NOD2: variants seen among roughly 807,000 people sequenced by gnomAD.
The protein encoded by NOD2 is nucleotide binding oligomerization domain containing 2.
In NOD2, 86 loss-of-function variants were observed where a neutral mutation model predicts 90.9. The observed-to-expected ratio is 0.95, with a 90% CI of 0.79 to 1.13. The LOEUF (loss-of-function observed/expected upper bound fraction) is 1.13. Ranked by LOEUF, NOD2 falls within the 50% of genes most tolerant of loss-of-function variation. The pLI is 0.00. For synonymous variants in NOD2, 581 were observed against 554.6 expected (o/e 1.05, Z -0.67); for missense variants, 1,238 against 1,283.8 (o/e 0.96, Z 0.55).
chr16:50,717,105 C>T (rs1345703587), intron 6 of NOD2, 131 bp downstream of exon 6: 1 of 794,428 alleles, frequency 1.3e-6, no homozygotes, highest in Non-Finnish European at 2.2e-6. Context: ...GACAGTGTCT[C>T]ATTTTAAGCA....
chr16:50,712,216 T>A lies in NOD2; in HGVS notation c.2224T>A (p.Leu742Met). Residue 742 changes from leucine to methionine, a missense_variant, in exon 4 of 12, where the codon TTG (leucine) becomes ATG (methionine). Coordinates refer to ENST00000647318, the MANE Select transcript of NOD2 (RefSeq NM_001370466.1). ...TGGCCTGAATGTTGGGCACCTCAAG[T>A]TGACATTTTGCAGTGTGGGCCCCAC... ...ARGLNVGHLK[L>M]TFCSVGPTEC... The A allele has an allele frequency of 1.2e-6, 2 of 1,613,920 alleles. No homozygotes were observed. Among genetic ancestry groups the A allele is most frequent in the Non-Finnish European group, 1.7e-6 (2 of 1,180,040 alleles).
rs775480458 is a variant in NOD2, at chr16:50,711,838, C to T, written c.1846C>T (p.Leu616Phe). Reference sequence around the variant, plus strand: ...GCCAGGCAACTCACCAATGGCCAGGCTCCTGCCCACGATGTGCATCCAGGC... The same window carrying T: ...GCCAGGCAACTCACCAATGGCCAGGTTCCTGCCCACGATGTGCATCCAGGC... ...GRPGNSPMAR[L>F]LPTMCIQASE... The change falls in exon 4 of 12, where the codon CTC becomes TTC. Residue 616 changes from leucine to phenylalanine, a missense_variant. Leu to Phe is a conservative substitution (Grantham distance 22). Transcript: ENST00000647318. The T allele has an allele frequency of 1.2e-6, 2 of 1,613,478 alleles. No individual in the cohort carries two copies. The highest frequency in any genetic ancestry group is 1.1e-5 in the South Asian group (1 of 91,076).
chr16:50,732,156 T>C lies in NOD2; in HGVS notation c.*337T>C. 1 of 410,176 alleles carries C rather than the reference T, an allele frequency of 2.4e-6. No homozygotes were observed. The highest frequency in any genetic ancestry group is 4.6e-6 in the Non-Finnish European group (1 of 216,264). The allele number at this position is 410,176 out of a possible 1,614,324, so 25.4% of individuals were successfully genotyped here. ...CGTGTGGGTCAGTGGGGCCCATGGA[T>C]GTGCTTGTTAACTGAGTGCCTTTTG... is the stretch of plus-strand genomic sequence containing the variant. On this transcript the variant is annotated 3_prime_UTR_variant, in exon 12 of 12. Coordinates refer to ENST00000647318, the MANE Select transcript of NOD2 (RefSeq NM_001370466.1).
In NOD2 at chr16:50,707,983, T is replaced by C. The variant is rs920727913; in HGVS notation, c.565+23T>C. 2.6e-6 allele frequency: 4 copies of C among 1,521,638 alleles called. No individual in the cohort carries two copies. The African/African-American group carries it at 5.5e-5, about 21-fold the overall frequency. 94.3% of individuals were successfully genotyped at this position (1,521,638 alleles called of 1,614,324 possible). Reference sequence around the variant, plus strand: ...AAGGTAGGTGTATGTTCTCAGTTAATCAGAAAGGGAAGGGCAGTCAGTGCA... The same window carrying C: ...AAGGTAGGTGTATGTTCTCAGTTAACCAGAAAGGGAAGGGCAGTCAGTGCA... On this transcript the variant is annotated intron_variant, in intron 3 of 11. Transcript: ENST00000647318.
In NOD2 at chr16:50,699,557, G is replaced by A; in HGVS notation, c.62G>A (p.Gly21Glu). The change falls in exon 2 of 12, where the codon GGG (glycine) becomes GAG (glutamate). Residue 21 changes from glycine (G) to glutamate (E), a missense_variant. Physicochemically the swap from Gly to Glu is moderately conservative, Grantham distance 98. Coordinates refer to ENST00000647318, the MANE Select transcript of NOD2 (RefSeq NM_001370466.1). ...CAGCTGGTCGAGCTGCTGGTCTCAG[G>A]GTCCCTGGAAGGCTTCGAGAGTGTC... Reference protein sequence around the residue: ...RSQLVELLVSGSLEGFESVLD... With the variant: ...RSQLVELLVSESLEGFESVLD... 1 of 1,614,026 alleles carries A rather than the reference G, an allele frequency of 6.2e-7. No individual in the cohort carries two copies.
rs773749264 is a variant in NOD2 at position 50,710,646 on chromosome 16, G to T, written c.654G>T (p.Thr218=). ...TCAGTACCTATGATGGAGCAGAGAC[G>T]CTCTGCCTGGAGGACATATACACAG... is the stretch of plus-strand genomic sequence containing the variant. The part of the protein sequence containing the change: ...RFLSTYDGAE[T]LCLEDIYTEN... Residue 218 remains threonine, a synonymous_variant, in exon 4 of 12, where the codon ACG becomes ACT. Coordinates refer to ENST00000647318, the MANE Select transcript of NOD2 (RefSeq NM_001370466.1). 1.9e-6 allele frequency: 3 copies of T among 1,614,212 alleles called. No individual in the cohort carries two copies. Among genetic ancestry groups the T allele is most frequent in the Admixed American group, 1.7e-5 (1 of 60,030 alleles).
At chr16:50,728,786 G>A (rs1965353349) in intron 10 of NOD2, among the ~76,000 whole-genome samples, 1 of 152,158 alleles carries the variant, frequency 6.6e-6, no homozygotes, top group African/African-American at 2.4e-5. Context: ...TGACTCCTCT[G>A]TTGCTGTCCC....
chr16:50,697,863 G>C, intron 1 of NOD2: 1 of 179,280 alleles, frequency 5.6e-6, no homozygotes, highest in Non-Finnish European at 1.2e-5. Context: ...TATGAGGACG[G>C]ATACAGAGTG....
intron 7 of NOD2, among the ~76,000 whole-genome samples, chr16:50,721,132 G>A (rs1965037746): frequency 1.3e-5 from 2 of 151,992 alleles, no homozygotes; most frequent in African/African-American, 4.8e-5. Flanking sequence ...CCACAAATGG[G>A]ACTATGTTGC....
Position 50,711,703 on chromosome 16 carries a change from C to T in NOD2, c.1711C>T (p.Pro571Ser), listed in dbSNP as rs759418926. The change falls in exon 4 of 12, where the codon CCC becomes TCC. Residue 571 changes from proline (P) to serine (S), a missense_variant. Physicochemically the swap from Pro to Ser is moderately conservative, Grantham distance 74. This residue lies in a region of NOD2 where 667 missense variants were observed against 688.7 expected (regional missense o/e 0.97). Transcript: ENST00000647318. ...AGGTGTCGTGCCAGGGAGTACGGCG[C>T]CCCTGGAATTCCTTCACATCACTTT... ...AKGVVPGSTAPLEFLHITFQC... is the reference protein window; with the variant it reads ...AKGVVPGSTASLEFLHITFQC... The T allele has an allele frequency of 1.9e-6, 3 of 1,613,994 alleles. No homozygotes were observed. The highest frequency in any genetic ancestry group is 2.5e-6 in the Non-Finnish European group (3 of 1,180,010).
At position 50,711,533 on chromosome 16, in the gene NOD2, G is replaced by C. The variant is rs753857915; in HGVS notation, c.1541G>C (p.Arg514Pro). ...ASQGLGPSLL[R>P]GRLPTLLHLG... ...CAAGGTCTGGGACCCAGTCTTCTTC[G>C]GGGCCGCCTCCCCACCCTCCTGCAC... The change falls in exon 4 of 12, where the codon CGG becomes CCG. Residue 514 changes from arginine to proline, a missense_variant. This residue lies in a region of NOD2 where 667 missense variants were observed against 688.7 expected (regional missense o/e 0.97). Coordinates refer to ENST00000647318, the MANE Select transcript of NOD2 (RefSeq NM_001370466.1). 1.8e-5 allele frequency: 29 copies of C among 1,612,732 alleles called. No individual in the cohort carries two copies. In the East Asian group the frequency reaches 5.8e-4, roughly 32 times the overall value.
chr16:50,697,092 C>G, intron 1 of NOD2: 2 of 745,550 alleles, frequency 2.7e-6, no homozygotes, highest in Non-Finnish European at 2.3e-6. Context: ...TTGGCCAACT[C>G]TGGCCTCCGG....
intron 2 of NOD2, among the ~76,000 whole-genome samples, chr16:50,705,465 C>A (rs752489450): frequency 6.6e-6 from 1 of 152,096 alleles, no homozygotes. Context: ...GTTGAGCATG[C>A]GGGTGAAACT....
intron 1 of NOD2, among the ~76,000 whole-genome samples, chr16:50,698,981 G>A (rs749797186): frequency 2.7e-5 from 4 of 149,964 alleles, no homozygotes; most frequent in Non-Finnish European, 5.9e-5. Flanking sequence ...AGGCTGGAGC[G>A]CAATGGTGCC....
chr16:50,699,337 C>G (rs192014376), intron 1 of NOD2, 151 bp from the exon 2 acceptor site: 2 of 690,098 alleles, frequency 2.9e-6, no homozygotes, highest in African/African-American at 1.8e-5. Context: ...ATTTTCACAT[C>G]TATATGGTGG....
intron 10 of NOD2, chr16:50,727,744 C>G: frequency 2.9e-6 from 1 of 348,642 alleles, no homozygotes; most frequent in Non-Finnish European, 5.7e-6. Flanking sequence ...GAATTGGACC[C>G]TTTCTGTTGA....
intron 1 of NOD2, among the ~76,000 whole-genome samples, chr16:50,694,292 GT>G (rs1311542653): frequency 6.6e-6 from 1 of 152,112 alleles, no homozygotes; most frequent in Non-Finnish European, 1.5e-5. Context: ...CATGGCCTTG[GT>G]TTCCCCATGG....
intron 3 of NOD2, among the ~76,000 whole-genome samples, chr16:50,709,198 T>A (rs1964345709): frequency 6.6e-6 from 1 of 152,124 alleles, no homozygotes; most frequent in African/African-American, 2.4e-5. Context: ...CCTGGTATAT[T>A]CAGAGGGCAG....
intron 2 of NOD2, among the ~76,000 whole-genome samples, chr16:50,701,710 GAGA>G: frequency 6.6e-6 from 1 of 152,202 alleles, no homozygotes; most frequent in East Asian, 1.9e-4. Context: ...CTAGGGCCCA[GAGA>G]AGACAGGATG....
Sources: gnomAD v4.1 joint callset for allele counts (sites outside exome capture counted in the v4.1 genomes callset) on GRCh38, gnomAD v4.1.1 for gene constraint, gnomAD v4.1.1 regional missense constraint, MANE v1.5 for transcripts, NCBI Gene and HGNC (gene_info 2026-07-23, HGNC 2026-07-21) for gene names.